Variants in MSANTD7 observed in about 807,000 individuals in gnomAD.
The protein encoded by MSANTD7 is zinc finger and SCAN domain containing 29.
the MSANTD7 span, chr10:14,846,245 A>G: frequency 3.0e-6 from 3 of 985,256 alleles, no homozygotes; most frequent in African/African-American, 1.7e-5. Flanking sequence ...GTAGGTAGGT[A>G]GATTTTCTGG....
At chr10:14,843,736 G>A in the MSANTD7 span, 2 of 1,537,010 alleles carry the variant, frequency 1.3e-6, no homozygotes, top group Non-Finnish European at 1.7e-6. Flanking sequence ...TGCTATTGGT[G>A]AGGAGGCCAG....
At chr10:14,842,637 C>T in the MSANTD7 span, 1 of 1,536,126 alleles carries the variant, frequency 6.5e-7, no homozygotes, top group African/African-American at 1.4e-5. This position sits in a 1 kb window ranked among gnomAD's most constrained non-coding sequence, Gnocchi z 5.2. Context: ...GCTGCTTGGG[C>T]CAAGCACTGT....
chr10:14,845,045 G>C, the MSANTD7 span: 2 of 985,416 alleles, frequency 2.0e-6, no homozygotes, highest in Non-Finnish European at 2.4e-6. Context: ...GAACACTAGA[G>C]GATGGTGTGG....
the MSANTD7 span, chr10:14,843,477 G>A: frequency 6.4e-7 from 1 of 1,550,598 alleles, no homozygotes. Flanking sequence ...TGTCCGGGGA[G>A]CCCAGCCCCT....
chr10:14,844,406 A>C, the MSANTD7 span: 154 of 994,426 alleles, frequency 1.5e-4, no homozygotes, highest in Non-Finnish European at 1.8e-4. Context: ...CATTGCTTGA[A>C]TCTTTCCTTT....
At chr10:14,841,678 C>CA in the MSANTD7 span, among the ~76,000 whole-genome samples, 23 of 149,852 alleles carry the variant, frequency 1.5e-4, no homozygotes, top group South Asian at 1.7e-3. Flanking sequence ...CCATATTGTG[C>CA]AAAAAAAAAA....
the MSANTD7 span, chr10:14,842,950 C>T: frequency 1.2e-6 from 1 of 847,032 alleles, no homozygotes; most frequent in Non-Finnish European, 1.8e-6. This position sits in a 1 kb window ranked among gnomAD's most constrained non-coding sequence, Gnocchi z 5.2. Flanking sequence ...GTTCCTGTTT[C>T]TGCCTCATTC....
the MSANTD7 span, chr10:14,844,858 T>C: frequency 1.0e-6 from 1 of 985,460 alleles, no homozygotes; most frequent in East Asian, 1.1e-4. Context: ...GCTTTTTAGC[T>C]GATTTCATTC....
the MSANTD7 span, chr10:14,840,233 AT>A: frequency 1.4e-6 from 1 of 708,258 alleles, no homozygotes; most frequent in Non-Finnish European, 2.1e-6. Context: ...GTGAAAAGAA[AT>A]TAGAAACAGC....
At chr10:14,838,486 G>T in the MSANTD7 span, 2 of 1,575,778 alleles carry the variant, frequency 1.3e-6, no homozygotes, top group Admixed American at 3.6e-5. Context: ...CTGGGCTAGG[G>T]CTTCATGACG....
chr10:14,846,970 G>A, the MSANTD7 span: 2 of 985,412 alleles, frequency 2.0e-6, no homozygotes, highest in African/African-American at 3.5e-5. Flanking sequence ...TAATCCTGGT[G>A]TGGACAAATA....
the MSANTD7 span, chr10:14,846,315 C>G: frequency 1.0e-6 from 1 of 985,316 alleles, no homozygotes; most frequent in African/African-American, 1.7e-5. Flanking sequence ...TTAATGGTAG[C>G]AAAGTGCATA....
chr10:14,844,909 G>A, the MSANTD7 span: 38,826 of 985,310 alleles, frequency 0.039, 883 homozygotes, highest in East Asian at 0.12. Context: ...TACAGGGCAA[G>A]CCCTAGAAAC....
the MSANTD7 span, chr10:14,842,839 G>A: frequency 6.5e-6 from 10 of 1,529,928 alleles, no homozygotes; most frequent in Admixed American, 2.0e-5. This position sits in a 1 kb window ranked among gnomAD's most constrained non-coding sequence, Gnocchi z 5.2. Flanking sequence ...ATGAATCCTC[G>A]GGTGCAGGTA....
chr10:14,839,490 G>A, the MSANTD7 span, among the ~76,000 whole-genome samples: 1 of 151,918 alleles, frequency 6.6e-6, no homozygotes, highest in Non-Finnish European at 1.5e-5. Flanking sequence ...GCTTGAACCC[G>A]GGAGGCGGAA....
At chr10:14,841,393 T>C in the MSANTD7 span, among the ~76,000 whole-genome samples, 1 of 152,198 alleles carries the variant, frequency 6.6e-6, no homozygotes, top group African/African-American at 2.4e-5. Flanking sequence ...TTTTTTTAAT[T>C]AAACTTTTTA....
At chr10:14,838,811 GA>G in the MSANTD7 span, among the ~76,000 whole-genome samples, 2 of 152,060 alleles carry the variant, frequency 1.3e-5, no homozygotes, top group Non-Finnish European at 2.9e-5. Flanking sequence ...GGGTCCCGGG[GA>G]CGGCGGGGCT....
the MSANTD7 span, chr10:14,842,272 T>C: frequency 6.5e-7 from 1 of 1,535,044 alleles, no homozygotes; most frequent in African/African-American, 1.4e-5. The surrounding 1 kb of genome is among the most constrained non-coding windows in gnomAD (Gnocchi z 5.2). Flanking sequence ...CTAGCCCTCC[T>C]TTCCAACCCA....
the MSANTD7 span, chr10:14,846,522 T>C: frequency 1.0e-6 from 1 of 985,386 alleles, no homozygotes; most frequent in Non-Finnish European, 1.2e-6. Flanking sequence ...AGGGAGACAG[T>C]GTGCAAGAAA....
Sources: allele counts gnomAD v4.1 joint callset (sites outside exome capture counted in the v4.1 genomes callset), GRCh38; gene constraint gnomAD v4.1.1; non-coding constraint Gnocchi (gnomAD v3.1); transcripts MANE v1.5; gene names NCBI Gene and HGNC (gene_info 2026-07-23, HGNC 2026-07-21).